DLGAP2: variants seen among roughly 807,000 people sequenced by gnomAD.
DLGAP2 encodes the protein disks large-associated protein 2.
A neutral mutation model predicts 100.3 loss-of-function variants in DLGAP2; 26 were observed. That is an observed-to-expected ratio of 0.26 (90% CI 0.19 to 0.36). The LOEUF (loss-of-function observed/expected upper bound fraction) is 0.36, where lower values mean the gene tolerates loss of function less well. Among genes scored for constraint, DLGAP2 ranks in the 10% least tolerant of loss-of-function variants. The probability of loss-of-function intolerance (pLI) is 1.00; values close to 1 mark genes in which losing one functional copy is unlikely to be tolerated. For missense variants in DLGAP2, 1,858 were observed against 1,453.2 expected, an observed-to-expected ratio of 1.28 and a Z score of -4.53; for synonymous variants, 886 against 630.1, an observed-to-expected ratio of 1.41 and a Z score of -6.08.
At chr8:1,281,636 A>G (rs936344342) in intron 3 of DLGAP2, among the ~76,000 whole-genome samples, 12 of 152,160 alleles carry the variant, frequency 7.9e-5, no homozygotes, top group African/African-American at 4.8e-5. Flanking sequence ...AATAAAATCC[A>G]TACACAATCA....
chr8:958,002 C>T (rs1369015716), intron 2 of DLGAP2, among the ~76,000 whole-genome samples: 1 of 152,200 alleles, frequency 6.6e-6, no homozygotes, highest in Non-Finnish European at 1.5e-5. Context: ...ACTCCGTCAT[C>T]CCTGTAGAAA....
chr8:1,613,477 G>T (rs988853119), intron 6 of DLGAP2, among the ~76,000 whole-genome samples: 1 of 151,504 alleles, frequency 6.6e-6, no homozygotes, highest in Non-Finnish European at 1.5e-5. Context: ...CACCAGCATG[G>T]CACATGTATA....
intron 2 of DLGAP2, among the ~76,000 whole-genome samples, chr8:1,240,366 A>C (rs976769980): frequency 6.8e-5 from 10 of 146,616 alleles, no homozygotes; most frequent in Non-Finnish European, 1.3e-4. Flanking sequence ...TCTGTCTCAC[A>C]CAGAGCATCG....
rs71190752 is a variant in DLGAP2 at position 1,690,703 on chromosome 8, C to CAAAAAAAAAAAAA, written c.2705-818_2705-806dup. 3.0e-3 allele frequency among the ~76,000 whole-genome samples: 189 copies of CAAAAAAAAAAAAA among 62,056 alleles called. 6 individuals are homozygous for CAAAAAAAAAAAAA. Among genetic ancestry groups the CAAAAAAAAAAAAA allele is most frequent in the Non-Finnish European group, 4.8e-3 (149 of 30,788 alleles). The allele number at this position is 62,056 out of a possible 152,430, so 40.7% of individuals were successfully genotyped here. A position where few individuals can be genotyped will look rare whatever the true frequency, so the allele number is the denominator to read the frequency against. On this transcript the variant is annotated intron_variant, in intron 12 of 14. Coordinates refer to ENST00000637795, the MANE Select transcript of DLGAP2 (RefSeq NM_001346810.2). The stretch of plus-strand genomic sequence containing the variant: ...TGGGCGATAAAGGGAGACCCTATCT[C>CAAAAAAAAAAAAA]AAAAAAAAAAAAAAAAAAAAAAAAA...
rs1799708547 is a variant in DLGAP2 at position 1,706,476 on chromosome 8, C to T, written c.*5070C>T. On this transcript the variant is annotated 3_prime_UTR_variant, in exon 15 of 15. Transcript: ENST00000637795. Reference sequence around the variant, plus strand: ...GCACGCTGCCAGAATCCAGGCTGGTCGTAAACATCTCAGAGATAATCAGGG... The same window carrying T: ...GCACGCTGCCAGAATCCAGGCTGGTTGTAAACATCTCAGAGATAATCAGGG... 6.6e-6 allele frequency: 1 copy of T among 152,124 alleles called. No homozygotes were observed. Among genetic ancestry groups the T allele is most frequent in the Non-Finnish European group, 1.5e-5 (1 of 68,056 alleles). 9.4% of individuals were successfully genotyped at this position (152,124 alleles called of 1,614,324 possible).
chr8:1,698,055 T>G (rs1406866046), intron 14 of DLGAP2, among the ~76,000 whole-genome samples: 1 of 152,186 alleles, frequency 6.6e-6, no homozygotes, highest in South Asian at 2.1e-4. Flanking sequence ...GGGGAAGTGG[T>G]GTTTGGTATC....
chr8:1,274,153 T>C (rs975219952), intron 3 of DLGAP2, among the ~76,000 whole-genome samples: 4 of 151,832 alleles, frequency 2.6e-5, no homozygotes, highest in African/African-American at 9.7e-5. Context: ...ATCTTAAATT[T>C]TTAACTTAAT....
chr8:1,220,184 C>T (rs1378470088), intron 2 of DLGAP2, among the ~76,000 whole-genome samples: 1 of 152,038 alleles, frequency 6.6e-6, no homozygotes, highest in African/African-American at 2.4e-5. Context: ...TTTCTAGTTT[C>T]TTTAGGTGTG....
chr8:790,028 G>A (rs998254188), intron 1 of DLGAP2, among the ~76,000 whole-genome samples: 5 of 152,210 alleles, frequency 3.3e-5, no homozygotes, highest in African/African-American at 2.4e-5. Context: ...TGGGACGGAC[G>A]ACGTCAGTGC....
At chr8:892,638 C>G (rs569162963) in intron 1 of DLGAP2, among the ~76,000 whole-genome samples, 20 of 152,168 alleles carry the variant, frequency 1.3e-4, no homozygotes, top group Non-Finnish European at 2.6e-4. Context: ...CTGGGTAGGT[C>G]AGCTCCCTGG....
At chr8:1,204,766 AG>A (rs1797954626) in intron 2 of DLGAP2, among the ~76,000 whole-genome samples, 1 of 152,164 alleles carries the variant, frequency 6.6e-6, no homozygotes, top group South Asian at 2.1e-4. Flanking sequence ...GGAAGAGGGA[AG>A]AAAAAATCTG....
intron 6 of DLGAP2, among the ~76,000 whole-genome samples, chr8:1,586,474 C>G (rs1004537197): frequency 1.3e-5 from 2 of 152,218 alleles, no homozygotes; most frequent in African/African-American, 4.8e-5. Context: ...CCTTCCTCTT[C>G]TGCTTTCAAT....
At chr8:1,528,742 T>G (rs1209806977) in intron 4 of DLGAP2, among the ~76,000 whole-genome samples, 1 of 152,188 alleles carries the variant, frequency 6.6e-6, no homozygotes, top group Admixed American at 6.5e-5. Flanking sequence ...AGCCTGGCCT[T>G]CCTGTTTGGA....
At chr8:1,346,427 C>G (rs1026789051) in intron 3 of DLGAP2, among the ~76,000 whole-genome samples, 1 of 150,558 alleles carries the variant, frequency 6.6e-6, no homozygotes, top group East Asian at 2.0e-4. Context: ...AGGTTGAGTT[C>G]CCTGTACACA....
intron 3 of DLGAP2, among the ~76,000 whole-genome samples, chr8:1,334,534 C>T (rs1801227936): frequency 6.6e-6 from 1 of 152,170 alleles, no homozygotes; most frequent in Non-Finnish European, 1.5e-5. Flanking sequence ...AAGCTGCTTC[C>T]AGTGAGGAAG....
At chr8:1,276,709 C>T (rs1006087915) in intron 3 of DLGAP2, among the ~76,000 whole-genome samples, 4 of 152,034 alleles carry the variant, frequency 2.6e-5, no homozygotes, top group African/African-American at 9.7e-5. Context: ...CTCTTGTTCA[C>T]ATTTTATTGG....
At chr8:1,610,927 A>C (rs202010222) in intron 6 of DLGAP2, among the ~76,000 whole-genome samples, 19,971 of 61,428 alleles carry the variant, frequency 0.33, 3,186 homozygotes, top group Middle Eastern at 0.38. Flanking sequence ...AGTCCAGGAC[A>C]AGATGGATTC....
At chr8:1,148,980 A>C (rs1444735772) in intron 2 of DLGAP2, among the ~76,000 whole-genome samples, 1 of 152,090 alleles carries the variant, frequency 6.6e-6, no homozygotes, top group Non-Finnish European at 1.5e-5. Flanking sequence ...ATATTTTCGG[A>C]TTAATTTATG....
chr8:1,440,576 A>T (rs1797801308), intron 3 of DLGAP2, among the ~76,000 whole-genome samples: 1 of 152,188 alleles, frequency 6.6e-6, no homozygotes, highest in South Asian at 2.1e-4. Context: ...ACACAAATCT[A>T]AGACTAAAGG....
Sources: gnomAD v4.1 joint callset for allele counts (sites outside exome capture counted in the v4.1 genomes callset) on GRCh38, gnomAD v4.1.1 for gene constraint, MANE v1.5 for transcripts, NCBI Gene and HGNC (gene_info 2026-07-23, HGNC 2026-07-21) for gene names.